Variants in FAAH2 observed in about 807,000 individuals in gnomAD.
The protein encoded by FAAH2 is fatty acid amide hydrolase 2.
Under a neutral mutation model 36.9 loss-of-function variants are expected in FAAH2, and 60 were observed. That is an observed-to-expected ratio of 1.63 (90% CI 1.32 to 2.02). FAAH2 has a LOEUF of 2.02. Among genes scored for constraint, FAAH2 ranks in the 30% most tolerant of loss-of-function variants. The pLI is 0.00. For synonymous variants in FAAH2, 214 were observed against 143.8 expected (o/e 1.49, Z -3.49); for missense variants, 689 against 397.5 (o/e 1.73, Z -6.23).
intron 8 of FAAH2, among the ~76,000 whole-genome samples, chrX:57,440,960 T>C (rs2056539377): frequency 8.9e-6 from 1 of 111,794 alleles, no homozygotes; most frequent in African/African-American, 3.2e-5. Context: ...GCCCACTTGA[T>C]CCTGGTGGAT....
the FAAH2 span, among the ~76,000 whole-genome samples, chrX:57,228,772 T>A: frequency 8.9e-6 from 1 of 111,971 alleles, no homozygotes; most frequent in African/African-American, 3.3e-5. Flanking sequence ...AACAAAACTT[T>A]GCTCCATGAT....
At chrX:57,258,866 G>A in the FAAH2 span, among the ~76,000 whole-genome samples, 27 of 107,329 alleles carry the variant, frequency 2.5e-4, no homozygotes, top group African/African-American at 9.2e-4. Flanking sequence ...CTGCCACCAC[G>A]CCTGGCTAAT....
intron 7 of FAAH2, among the ~76,000 whole-genome samples, chrX:57,424,908 G>C (rs1032859987): frequency 3.6e-5 from 4 of 111,039 alleles, no homozygotes; most frequent in Non-Finnish European, 5.7e-5. Flanking sequence ...GAAATACCAC[G>C]TAAAGAATTC....
chrX:57,350,334 A>G (rs2053967056), intron 5 of FAAH2, among the ~76,000 whole-genome samples: 1 of 110,727 alleles, frequency 9.0e-6, no homozygotes, highest in Admixed American at 9.7e-5. Flanking sequence ...CATTATGAAA[A>G]CACACAAAAA....
At position 57,394,637 on chromosome X, in the gene FAAH2, G is replaced by A. The variant is rs979235337; in HGVS notation, c.996+13608G>A. Reference sequence around the variant, plus strand: ...CATGAGCCCTAAGCCACCAGGAACGGGCCTCGTCGTATGCCACATCACCCA... The same window carrying A: ...CATGAGCCCTAAGCCACCAGGAACGAGCCTCGTCGTATGCCACATCACCCA... On this transcript the variant is annotated intron_variant, in intron 7 of 10. Transcript: ENST00000374900. The A allele has an allele frequency of 3.8e-6, 4 of 1,041,666 alleles. No individual in the cohort carries two copies. The African/African-American group carries it at 7.5e-5, about 19-fold the overall frequency. The allele number at this position is 1,041,666 out of a possible 1,213,427, so 85.8% of individuals were successfully genotyped here.
the FAAH2 span, among the ~76,000 whole-genome samples, chrX:57,216,587 T>TATATAC: frequency 0.011 from 222 of 19,444 alleles, 15 homozygotes; most frequent in African/African-American, 0.073. Flanking sequence ...TATATGTATA[T>TATATAC]GTATATATAT....
intron 7 of FAAH2, among the ~76,000 whole-genome samples, chrX:57,405,495 G>A (rs1472341567): frequency 9.2e-6 from 1 of 108,700 alleles, no homozygotes; most frequent in Non-Finnish European, 1.9e-5. Context: ...CACCTCGCTG[G>A]ATCAGTAGTG....
intron 10 of FAAH2, among the ~76,000 whole-genome samples, chrX:57,462,521 C>T (rs1297191956): frequency 1.8e-5 from 2 of 112,033 alleles, no homozygotes; most frequent in Admixed American, 9.5e-5. Flanking sequence ...AATCAATAAA[C>T]ATAACCCATC....
At position 57,320,131 on chromosome X, in the gene FAAH2, CA is replaced by C. The variant is rs2052975190; in HGVS notation, c.412+9405del. Reference sequence around the variant, plus strand: ...GGTAAATAATTCATGACTAAAACATCAAAGAAAAAATGGCAACAAAAGCCAA... The same window carrying C: ...GGTAAATAATTCATGACTAAAACATCAAGAAAAAATGGCAACAAAAGCCAA... On this transcript the variant is annotated intron_variant, in intron 3 of 10. Coordinates refer to ENST00000374900, the MANE Select transcript of FAAH2 (RefSeq NM_174912.4). Among the ~76,000 whole-genome samples, 6 of 111,509 alleles carry C rather than the reference CA, an allele frequency of 5.4e-5. No homozygotes were observed. The South Asian group carries it at 2.3e-3, about 42-fold the overall frequency.
chrX:57,355,555 T>G (rs1270111432), intron 5 of FAAH2, among the ~76,000 whole-genome samples: 1 of 111,316 alleles, frequency 9.0e-6, no homozygotes, highest in African/African-American at 3.2e-5. Flanking sequence ...TTCATGCCAT[T>G]GTGAATGGGA....
chrX:57,367,622 T>C (rs1173527094), intron 5 of FAAH2, among the ~76,000 whole-genome samples: 1 of 112,103 alleles, frequency 8.9e-6, no homozygotes, highest in African/African-American at 3.2e-5. Flanking sequence ...AGAGACTCTG[T>C]GGAACATGCA....
chrX:57,211,917 A>T, the FAAH2 span, among the ~76,000 whole-genome samples: 1 of 112,148 alleles, frequency 8.9e-6, no homozygotes, highest in Non-Finnish European at 1.9e-5. Flanking sequence ...AGGATAAACA[A>T]GTCCCACCCC....
chrX:57,430,454 G>T (rs2056268924), intron 7 of FAAH2, among the ~76,000 whole-genome samples: 2 of 111,821 alleles, frequency 1.8e-5, no homozygotes, highest in Non-Finnish European at 3.8e-5. Flanking sequence ...TCATTCAAGG[G>T]TTGTGAGTCT....
At chrX:57,359,057 G>A (rs1008554589) in intron 5 of FAAH2, among the ~76,000 whole-genome samples, 4 of 110,431 alleles carry the variant, frequency 3.6e-5, no homozygotes, top group South Asian at 3.9e-4. Context: ...ATACTCTTTC[G>A]GTTATGTTTA....
chrX:57,366,132 AT>A (rs34040073), intron 5 of FAAH2, among the ~76,000 whole-genome samples: 25,798 of 110,370 alleles, frequency 0.23, 2,461 homozygotes, highest in Middle Eastern at 0.55. Context: ...TTCTTGCACT[AT>A]TTCTTTCTTT....
intron 10 of FAAH2, among the ~76,000 whole-genome samples, chrX:57,478,503 T>A (rs947118500): frequency 1.2e-4 from 13 of 111,959 alleles, no homozygotes; most frequent in Admixed American, 2.9e-4. Flanking sequence ...TAGATCCCAT[T>A]TGTCAATTTT....
At chrX:57,125,687 T>C in the FAAH2 span, among the ~76,000 whole-genome samples, 3 of 112,156 alleles carry the variant, frequency 2.7e-5, no homozygotes, top group African/African-American at 9.7e-5. Flanking sequence ...TTACTATATT[T>C]GTTCAGATTT....
chrX:57,326,338 G>A (rs1268262842), intron 3 of FAAH2, among the ~76,000 whole-genome samples: 1 of 114,051 alleles, frequency 8.8e-6, no homozygotes, highest in Non-Finnish European at 1.9e-5. Context: ...GGAGAGTTCT[G>A]TAGGTGTCTA....
the FAAH2 span, among the ~76,000 whole-genome samples, chrX:57,216,270 C>G: frequency 9.5e-6 from 1 of 105,321 alleles, no homozygotes; most frequent in African/African-American, 3.4e-5. Context: ...CTCTCTTTTG[C>G]CCCTCTCCCA....
Sources: allele counts gnomAD v4.1 joint callset (sites outside exome capture counted in the v4.1 genomes callset), GRCh38; gene constraint gnomAD v4.1.1; transcripts MANE v1.5; gene names NCBI Gene and HGNC (gene_info 2026-07-23, HGNC 2026-07-21).